Variants in NUFIP1 observed in about 807,000 individuals in gnomAD.
The protein encoded by NUFIP1 is FMR1-interacting protein NUFIP1.
A neutral mutation model predicts 56.2 loss-of-function variants in NUFIP1; 38 were observed. The ratio of observed to expected loss-of-function variants is 0.68; its 90% CI spans 0.52 to 0.89. NUFIP1 has a LOEUF of 0.89. Ranked by LOEUF, NUFIP1 falls within the 40% of genes least tolerant of loss-of-function variation. The pLI, the probability that NUFIP1 is intolerant of heterozygous loss-of-function variation, is 0.00. For synonymous variants in NUFIP1, 215 were observed against 212.4 expected, an observed-to-expected ratio of 1.01 and a Z score of -0.10; for missense variants, 567 against 605.8, an observed-to-expected ratio of 0.94 and a Z score of 0.67.
chr13:44,975,809 A>G (rs907921913), intron 5 of NUFIP1, among the ~76,000 whole-genome samples: 1 of 152,236 alleles, frequency 6.6e-6, no homozygotes, highest in African/African-American at 2.4e-5. Flanking sequence ...ATCGTAGAAA[A>G]GAGTAAAGTT....
intron 8 of NUFIP1, among the ~76,000 whole-genome samples, chr13:44,948,651 C>T (rs1303759294): frequency 6.6e-6 from 1 of 152,114 alleles, no homozygotes; most frequent in East Asian, 1.9e-4. Flanking sequence ...TAAACATATG[C>T]TGGATTATTG....
chr13:44,975,014 C>G (rs1871922488), intron 5 of NUFIP1, among the ~76,000 whole-genome samples: 1 of 152,106 alleles, frequency 6.6e-6, no homozygotes, highest in African/African-American at 2.4e-5. Context: ...TTTATTTGAC[C>G]TTTCCATCGC....
rs1250394910 is a variant in NUFIP1, at chr13:44,965,953, G to A, written c.735-17C>T. 2.1e-6 allele frequency: 3 copies of A among 1,439,644 alleles called. No individual in the cohort carries two copies. In the Admixed American group the frequency reaches 6.4e-5, roughly 31 times the overall value. 89.2% of individuals were successfully genotyped at this position (1,439,644 alleles called of 1,614,324 possible). A position where few individuals can be genotyped will look rare whatever the true frequency, so the allele number is the denominator to read the frequency against. On this transcript the variant is annotated splice_polypyrimidine_tract_variant and intron_variant, in intron 5 of 9. Coordinates refer to ENST00000379161, the MANE Select transcript of NUFIP1 (RefSeq NM_012345.3). The stretch of plus-strand genomic sequence containing the variant: ...GGATAGTTTCTAGAAAATAATAAAA[G>A]TTAATTATAATAGGGCTTTTAGAGT...
At chr13:44,983,675 T>C (rs1872278120) in intron 1 of NUFIP1, among the ~76,000 whole-genome samples, 2 of 152,174 alleles carry the variant, frequency 1.3e-5, no homozygotes, top group Admixed American at 6.5e-5. Flanking sequence ...TATGTGCCTG[T>C]AGTCCCAGCT....
In NUFIP1 at chr13:44,989,200, G is replaced by A; in HGVS notation, c.237C>T (p.Pro79=). The change falls in exon 1 of 10, where the codon CCC becomes CCT. Residue 79 remains proline (P), a synonymous_variant. Coordinates refer to ENST00000379161, the MANE Select transcript of NUFIP1 (RefSeq NM_012345.3). ...CGGGAAGAATCTGGGCGTCGAAGGG[G>A]GGCGGAGCCCCGGGGAGAGACTGGG... is the stretch of plus-strand genomic sequence containing the variant. ...MEAQSLPGAP[P]PFDAQILPGA... The A allele has an allele frequency of 6.2e-7, 1 of 1,611,686 alleles. No homozygotes were observed. Among genetic ancestry groups the A allele is most frequent in the Admixed American group, 1.7e-5 (1 of 59,636 alleles).
intron 9 of NUFIP1, among the ~76,000 whole-genome samples, 184 bp downstream of exon 9, chr13:44,943,253 TCCACA>T (rs1870803209): frequency 6.6e-6 from 1 of 152,120 alleles, no homozygotes; most frequent in African/African-American, 2.4e-5. Flanking sequence ...ATTACATTAT[TCCACA>T]TTCACTGAAT....
intron 5 of NUFIP1, among the ~76,000 whole-genome samples, chr13:44,967,021 T>C (rs1871628198): frequency 6.6e-6 from 1 of 151,364 alleles, no homozygotes; most frequent in Non-Finnish European, 1.5e-5. Flanking sequence ...AAAAATATAC[T>C]GTCTACCAGG....
At chr13:44,950,251 C>A (rs1433121035) in intron 7 of NUFIP1, among the ~76,000 whole-genome samples, 1 of 152,146 alleles carries the variant, frequency 6.6e-6, no homozygotes, top group Non-Finnish European at 1.5e-5. Context: ...ATTAAAATAC[C>A]TATGCTTTTA....
chr13:44,976,226 T>G (rs1334249515), intron 5 of NUFIP1, among the ~76,000 whole-genome samples: 1 of 151,868 alleles, frequency 6.6e-6, no homozygotes, highest in African/African-American at 2.4e-5. Flanking sequence ...AATGTACATA[T>G]CAGAAACGAA....
At chr13:44,954,249 G>A (rs986948886) in intron 7 of NUFIP1, among the ~76,000 whole-genome samples, 6 of 152,092 alleles carry the variant, frequency 3.9e-5, no homozygotes, top group African/African-American at 1.2e-4. Flanking sequence ...TATAAAATAC[G>A]AGCTCAAACA....
At position 44,943,399 on chromosome 13, in the gene NUFIP1, A is replaced by G. The variant is rs763249117; in HGVS notation, c.1371+43T>C. 1.9e-5 allele frequency: 29 copies of G among 1,517,466 alleles called. 1 individual carries two copies. The highest frequency in any genetic ancestry group is 3.4e-5 in the Admixed American group (2 of 58,684). 94.0% of individuals were successfully genotyped at this position (1,517,466 alleles called of 1,614,324 possible). ...ACACCCCAGTGGCTCTATCTTTATG[A>G]TGTGAGAACACAAAGATTAGAACCT... On this transcript the variant is annotated intron_variant, in intron 9 of 9. Transcript: ENST00000379161.
At chr13:44,951,101 C>G (rs1048316396) in intron 7 of NUFIP1, among the ~76,000 whole-genome samples, 1 of 152,122 alleles carries the variant, frequency 6.6e-6, no homozygotes, top group East Asian at 1.9e-4. Context: ...AAAAGTACTC[C>G]TTGTCAATTT....
At chr13:44,970,422 C>T (rs1408561350) in intron 5 of NUFIP1, among the ~76,000 whole-genome samples, 1 of 152,214 alleles carries the variant, frequency 6.6e-6, no homozygotes, top group Non-Finnish European at 1.5e-5. Flanking sequence ...AAAATTCTTA[C>T]TCTGTGAAAT....
chr13:44,966,023 T>C lies in NUFIP1; in HGVS notation c.735-87A>G. The C allele has an allele frequency of 6.5e-6, 4 of 619,656 alleles. 1 individual carries two copies. Among genetic ancestry groups the C allele is most frequent in the Non-Finnish European group, 1.0e-5 (4 of 395,280 alleles). The allele number at this position is 619,656 out of a possible 1,614,324, so 38.4% of individuals were successfully genotyped here. On this transcript the variant is annotated intron_variant, in intron 5 of 9. Transcript: ENST00000379161. ...CAAGCAATTGCTGAATTTAGCAATT[T>C]TGTTTAACACCTAACACAGCAAATT...
At chr13:44,985,064 T>C (rs922234798) in intron 1 of NUFIP1, among the ~76,000 whole-genome samples, 1 of 152,242 alleles carries the variant, frequency 6.6e-6, no homozygotes, top group African/African-American at 2.4e-5. Flanking sequence ...GAATGCAGAA[T>C]TGAATTTTCT....
chr13:44,985,978 G>A (rs527389117), intron 1 of NUFIP1, among the ~76,000 whole-genome samples: 1 of 152,320 alleles, frequency 6.6e-6, no homozygotes, highest in Admixed American at 6.5e-5. Flanking sequence ...CAACTACTGA[G>A]AAAGGGTCTC....
chr13:44,974,117 C>A (rs899701915), intron 5 of NUFIP1, among the ~76,000 whole-genome samples: 5 of 152,162 alleles, frequency 3.3e-5, no homozygotes, highest in Non-Finnish European at 7.3e-5. Flanking sequence ...TAATTTTGCA[C>A]CACAAAACAA....
Position 44,989,231 on chromosome 13 carries a change from A to G in NUFIP1, c.206T>C (p.Met69Thr). 1.9e-6 allele frequency: 3 copies of G among 1,612,536 alleles called. No homozygotes were observed. The highest frequency in any genetic ancestry group is 1.7e-6 in the Non-Finnish European group (2 of 1,179,306). ...SKPSSESQPP[M>T]EAQSLPGAPP... The stretch of plus-strand genomic sequence containing the variant: ...AGCCCCGGGGAGAGACTGGGCCTCC[A>G]TGGGGGGCTGCGACTCAGAGGAAGG... Residue 69 changes from methionine (M) to threonine (T), a missense_variant, in exon 1 of 10, where the codon ATG (methionine) becomes ACG (threonine). Transcript: ENST00000379161.
chr13:44,970,329 T>C (rs551687418), intron 5 of NUFIP1, among the ~76,000 whole-genome samples: 1 of 152,106 alleles, frequency 6.6e-6, no homozygotes, highest in African/African-American at 2.4e-5. Context: ...AATACAGAGA[T>C]GTAGAAGTAA....
Sources: allele counts gnomAD v4.1 joint callset (sites outside exome capture counted in the v4.1 genomes callset), GRCh38; gene constraint gnomAD v4.1.1; transcripts MANE v1.5; gene names NCBI Gene and HGNC (gene_info 2026-07-23, HGNC 2026-07-21).